RAPGEF6: variants seen among roughly 807,000 people sequenced by gnomAD.
RAPGEF6 encodes PDZ domain containing guanine nucleotide exchange factor (GEF) 2.
In RAPGEF6, 56 loss-of-function variants were observed where a neutral mutation model predicts 171.4. The ratio of observed to expected loss-of-function variants is 0.33; its 90% confidence interval spans 0.26 to 0.41. The LOEUF is 0.41. Among genes scored for constraint, RAPGEF6 ranks in the 10% least tolerant of loss-of-function variants. The probability of loss-of-function intolerance (pLI) is 1.00; values close to 1 mark genes in which losing one functional copy is unlikely to be tolerated. For missense variants in RAPGEF6, 1,674 were observed against 1,921.4 expected, an observed-to-expected ratio of 0.87 and a Z score of 2.41; for synonymous variants, 692 against 650.1, an observed-to-expected ratio of 1.06 and a Z score of -0.98.
At chr5:131,608,743 G>A (rs1004910259) in intron 1 of RAPGEF6, among the ~76,000 whole-genome samples, 13 of 151,982 alleles carry the variant, frequency 8.6e-5, no homozygotes, top group Non-Finnish European at 1.3e-4. Context: ...TGGTTCCCCC[G>A]AGAGAGGGTT....
intron 17 of RAPGEF6, 155 bp from the exon 18 acceptor site, chr5:131,464,436 A>G: frequency 1.6e-6 from 1 of 630,904 alleles, no homozygotes; most frequent in Non-Finnish European, 2.7e-6. Context: ...TTTATTGATA[A>G]ATATATCCTT....
chr5:131,607,078 A>G (rs1239336245), intron 1 of RAPGEF6, among the ~76,000 whole-genome samples: 1 of 152,178 alleles, frequency 6.6e-6, no homozygotes, highest in African/African-American at 2.4e-5. Context: ...TTATAATTAG[A>G]ATTTATATAC....
chr5:131,426,821 T>C lies in RAPGEF6; in HGVS notation c.*445A>G, dbSNP rs1751416935. ...ACAAACAAAACCACAACAATTCAAA[T>C]AATAAGTTATTTTTCAAATATACAA... On this transcript the variant is annotated 3_prime_UTR_variant, in exon 28 of 28. Coordinates refer to ENST00000509018, the MANE Select transcript of RAPGEF6 (RefSeq NM_016340.6). 1.1e-5 allele frequency: 2 copies of C among 180,388 alleles called. No individual in the cohort carries two copies. Among genetic ancestry groups the C allele is most frequent in the East Asian group, 3.5e-4 (2 of 5,650 alleles). The allele number at this position is 180,388 out of a possible 1,614,324, so 11.2% of individuals were successfully genotyped here.
At chr5:131,610,755 T>C (rs1479439384) in intron 1 of RAPGEF6, among the ~76,000 whole-genome samples, 2 of 152,058 alleles carry the variant, frequency 1.3e-5, no homozygotes, top group Non-Finnish European at 2.9e-5. Flanking sequence ...ATCTCTTGTC[T>C]AAGTTTCTTC....
At chr5:131,620,029 C>T (rs1249344611) in intron 1 of RAPGEF6, among the ~76,000 whole-genome samples, 4 of 152,172 alleles carry the variant, frequency 2.6e-5, no homozygotes, top group Non-Finnish European at 4.4e-5. Flanking sequence ...CAATAACCAC[C>T]ATACAGTATG....
chr5:131,488,092 T>A (rs1756042281), intron 15 of RAPGEF6, among the ~76,000 whole-genome samples: 1 of 152,140 alleles, frequency 6.6e-6, no homozygotes, highest in Non-Finnish European at 1.5e-5. Flanking sequence ...AGGTGACTGC[T>A]ATGTTCCCCC....
chr5:131,481,179 C>T (rs769500974), intron 15 of RAPGEF6, among the ~76,000 whole-genome samples: 2 of 151,944 alleles, frequency 1.3e-5, no homozygotes, highest in Non-Finnish European at 2.9e-5. Context: ...CCTGCCTCGG[C>T]CTCCCAAAGT....
intron 14 of RAPGEF6, 145 bp from the exon 15 acceptor site, chr5:131,489,799 GACT>G: frequency 2.2e-6 from 1 of 464,222 alleles, no homozygotes; most frequent in Admixed American, 4.2e-5. Context: ...TGAGAAGCTG[GACT>G]ACTGTTTTTC....
intron 13 of RAPGEF6, among the ~76,000 whole-genome samples, chr5:131,495,098 G>A (rs902922897): frequency 7.2e-5 from 11 of 152,074 alleles, no homozygotes; most frequent in Non-Finnish European, 1.6e-4. Flanking sequence ...TTTGAGACCA[G>A]CCTGGGCAAT....
intron 25 of RAPGEF6, among the ~76,000 whole-genome samples, chr5:131,432,260 A>C (rs979605005): frequency 3.9e-5 from 6 of 152,220 alleles, no homozygotes; most frequent in African/African-American, 1.4e-4. Flanking sequence ...CATTTACAGT[A>C]TAGTGCAGGG....
intron 18 of RAPGEF6, 66 bp downstream of exon 18, chr5:131,463,975 T>C: frequency 6.6e-7 from 1 of 1,506,344 alleles, no homozygotes. Context: ...TTACAATAGC[T>C]GTTTTAACAG....
At chr5:131,559,740 TGAG>T (rs1291271268) in intron 5 of RAPGEF6, among the ~76,000 whole-genome samples, 1 of 149,038 alleles carries the variant, frequency 6.7e-6, no homozygotes, top group Non-Finnish European at 1.5e-5. Context: ...CTTGAGAGAC[TGAG>T]GAGAGAGGCT....
intron 1 of RAPGEF6, among the ~76,000 whole-genome samples, chr5:131,619,000 T>C (rs1229957144): frequency 6.9e-6 from 1 of 145,124 alleles, no homozygotes; most frequent in African/African-American, 2.6e-5. Flanking sequence ...ATACATTCTA[T>C]AAGGCAGCCG....
chr5:131,459,759 T>C (rs1337330033), intron 19 of RAPGEF6, among the ~76,000 whole-genome samples: 3 of 152,144 alleles, frequency 2.0e-5, no homozygotes, highest in Admixed American at 2.0e-4. Flanking sequence ...TTTAAATATA[T>C]ATTTATATGC....
chr5:131,614,443 G>A (rs1580680046), intron 1 of RAPGEF6, among the ~76,000 whole-genome samples: 1 of 152,232 alleles, frequency 6.6e-6, no homozygotes, highest in East Asian at 1.9e-4. Context: ...AAGGTGAAAG[G>A]GAAGCAAGCA....
chr5:131,607,586 T>C (rs930831080), intron 1 of RAPGEF6, among the ~76,000 whole-genome samples: 2 of 152,118 alleles, frequency 1.3e-5, no homozygotes, highest in African/African-American at 4.8e-5. Context: ...TCAGTGGGGG[T>C]TGGGTGGGGG....
intron 1 of RAPGEF6, among the ~76,000 whole-genome samples, chr5:131,611,603 T>C (rs1292844424): frequency 3.3e-5 from 5 of 152,050 alleles, no homozygotes; most frequent in Non-Finnish European, 4.4e-5. Context: ...ACCTGGGAGG[T>C]AGAGGTTGCA....
At chr5:131,500,942 C>T (rs780234336) in intron 11 of RAPGEF6, among the ~76,000 whole-genome samples, 4 of 152,104 alleles carry the variant, frequency 2.6e-5, no homozygotes, top group Non-Finnish European at 5.9e-5. Context: ...TAACTGCTTT[C>T]TGTGTGATTA....
chr5:131,442,242 T>C (rs781283664), intron 23 of RAPGEF6, 107 bp downstream of exon 23: 20 of 1,093,734 alleles, frequency 1.8e-5, no homozygotes, highest in Non-Finnish European at 2.4e-5. Flanking sequence ...ACGATTATAT[T>C]ACACAACCTA....
Sources: allele counts gnomAD v4.1 joint callset (sites outside exome capture counted in the v4.1 genomes callset), GRCh38; gene constraint gnomAD v4.1.1; transcripts MANE v1.5; gene names NCBI Gene and HGNC (gene_info 2026-07-23, HGNC 2026-07-21).